Variants in PRKAR1A observed in about 807,000 individuals in gnomAD.
PRKAR1A encodes cAMP-dependent protein kinase type I-alpha regulatory subunit.
PRKAR1A carries 3 observed loss-of-function variants against 52.0 expected under a neutral mutation model. That is an observed-to-expected ratio of 0.06 (90% confidence interval 0.03 to 0.15). PRKAR1A has a LOEUF of 0.15. Among genes scored for constraint, PRKAR1A ranks in the 10% least tolerant of loss-of-function variants. The pLI, the probability that PRKAR1A is intolerant of heterozygous loss-of-function variation, is 1.00. For synonymous variants in PRKAR1A, 188 were observed against 168.4 expected, an observed-to-expected ratio of 1.12 and a Z score of -0.90; for missense variants, 240 against 477.4, an observed-to-expected ratio of 0.50 and a Z score of 4.63.
At chr17:68,494,883 A>T in the PRKAR1A span, among the ~76,000 whole-genome samples, 253 of 152,286 alleles carry the variant, frequency 1.7e-3, 2 homozygotes, top group African/African-American at 5.7e-3. Flanking sequence ...CTGCTCCACA[A>T]ATGAGATATA....
chr17:68,524,899 TA>T lies in PRKAR1A; in HGVS notation c.503-12del. On this transcript the variant is annotated splice_polypyrimidine_tract_variant and intron_variant, in intron 5 of 10. Coordinates refer to ENST00000589228, the MANE Select transcript of PRKAR1A (RefSeq NM_002734.5). ...ATTTGGAATATGCTTCTAACTTTTT[TA>T]CCCTCTTTTAGGTGATGAAGGGGAT... 1 of 1,598,974 alleles carries T rather than the reference TA, an allele frequency of 6.3e-7. No individual in the cohort carries two copies. The highest frequency in any genetic ancestry group is 8.6e-7 in the Non-Finnish European group (1 of 1,166,516).
At chr17:68,539,815 C>A in intron 11 of PRKAR1A, 1 of 1,497,602 alleles carries the variant, frequency 6.7e-7, no homozygotes, top group South Asian at 1.2e-5. Context: ...TCTGTTTCCC[C>A]CGAGCAGCTG....
At chr17:68,536,913 C>T (rs1385116762), downstream of PRKAR1A, 8 of 454,124 alleles carry the variant, frequency 1.8e-5, no homozygotes, top group East Asian at 4.9e-4. Flanking sequence ...ACTCCAGGAC[C>T]GGGCAGTAGG....
chr17:68,451,025 C>T, the PRKAR1A span: 1 of 1,305,750 alleles, frequency 7.7e-7, no homozygotes, highest in African/African-American at 1.5e-5. Context: ...GCCAGGCGCC[C>T]TCTCTGAGCT....
At chr17:68,547,973 A>C (rs2086645915) in intron 11 of PRKAR1A, among the ~76,000 whole-genome samples, 1 of 152,134 alleles carries the variant, frequency 6.6e-6, no homozygotes, top group African/African-American at 2.4e-5. Flanking sequence ...TCCTCCTTTC[A>C]TGTGAACACT....
the PRKAR1A span, among the ~76,000 whole-genome samples, chr17:68,437,550 T>G: frequency 6.6e-6 from 1 of 151,162 alleles, no homozygotes; most frequent in African/African-American, 2.4e-5. Flanking sequence ...AGGTTCTGTC[T>G]TAAGAAAAAA....
At chr17:68,502,279 G>A in the PRKAR1A span, among the ~76,000 whole-genome samples, 2 of 152,128 alleles carry the variant, frequency 1.3e-5, no homozygotes, top group Admixed American at 6.5e-5. Flanking sequence ...GGTAAGCTAT[G>A]GCTCATGGGT....
upstream of PRKAR1A, among the ~76,000 whole-genome samples, chr17:68,508,457 T>C (rs2085224439): frequency 6.6e-6 from 1 of 152,200 alleles, no homozygotes; most frequent in Non-Finnish European, 1.5e-5. Flanking sequence ...TGTTCTCACT[T>C]ATAAGTGGGA....
chr17:68,541,032 C>A, intron 11 of PRKAR1A: 1 of 1,545,690 alleles, frequency 6.5e-7, no homozygotes, highest in Non-Finnish European at 8.7e-7. Context: ...CACACCTCCC[C>A]CTGCCCCCCC....
At chr17:68,543,308 C>T (rs1328679362) in intron 11 of PRKAR1A, among the ~76,000 whole-genome samples, 1 of 152,126 alleles carries the variant, frequency 6.6e-6, no homozygotes, top group Non-Finnish European at 1.5e-5. Context: ...AACAGTGAGA[C>T]TCCTTGGATA....
the PRKAR1A span, among the ~76,000 whole-genome samples, chr17:68,486,386 C>CTCTTTCTT: frequency 7.4e-6 from 1 of 135,596 alleles, no homozygotes; most frequent in East Asian, 2.2e-4. Flanking sequence ...TTCTTTCTTT[C>CTCTTTCTT]TCTTTCTTTC....
chr17:68,545,631 G>C (rs1201162946), intron 11 of PRKAR1A, among the ~76,000 whole-genome samples: 1 of 152,218 alleles, frequency 6.6e-6, no homozygotes, highest in Non-Finnish European at 1.5e-5. Context: ...AGACAATAAT[G>C]AAGTTTGCTG....
At chr17:68,455,492 C>A in the PRKAR1A span, among the ~76,000 whole-genome samples, 1 of 152,104 alleles carries the variant, frequency 6.6e-6, no homozygotes, top group East Asian at 1.9e-4. Flanking sequence ...CCAAATTCAG[C>A]CTACATTTAT....
chr17:68,542,563 C>G (rs1388203161), intron 11 of PRKAR1A: 3 of 761,782 alleles, frequency 3.9e-6, no homozygotes, highest in East Asian at 2.6e-5. Flanking sequence ...GAGTGTCTTA[C>G]AACTTCATAC....
chr17:68,424,279 A>G, the PRKAR1A span, among the ~76,000 whole-genome samples: 1 of 152,170 alleles, frequency 6.6e-6, no homozygotes, highest in Non-Finnish European at 1.5e-5. Context: ...GAAATGTAAA[A>G]GCTCACGCTG....
intron 11 of PRKAR1A, among the ~76,000 whole-genome samples, chr17:68,550,145 C>CTT (rs1275052586): frequency 6.6e-6 from 1 of 152,168 alleles, no homozygotes; most frequent in South Asian, 2.1e-4. Context: ...CAACTTGACT[C>CTT]TAAGTGATGA....
chr17:68,432,207 C>T, the PRKAR1A span, among the ~76,000 whole-genome samples: 1 of 152,120 alleles, frequency 6.6e-6, no homozygotes. Context: ...TTTCATACAC[C>T]ACTGGGGGTG....
chr17:68,551,108 G>A (rs9789047), exon 12 of PRKAR1A: 210,013 of 1,233,558 alleles, frequency 0.17, 18,305 homozygotes, highest in South Asian at 0.19. Context: ...TCAAGGAGGA[G>A]CATTCCCCTG....
the PRKAR1A span, among the ~76,000 whole-genome samples, chr17:68,478,178 G>A: frequency 6.6e-6 from 1 of 152,166 alleles, no homozygotes; most frequent in Admixed American, 6.5e-5. Context: ...TCTTGGCCGG[G>A]TGTGGTGGCT....
Sources: allele counts gnomAD v4.1 joint callset (sites outside exome capture counted in the v4.1 genomes callset), GRCh38; gene constraint gnomAD v4.1.1; transcripts MANE v1.5; gene names NCBI Gene and HGNC (gene_info 2026-07-23, HGNC 2026-07-21).